The following RBM18 variants were observed in gnomAD, a reference collection of about 807,000 sequenced individuals.
The protein encoded by RBM18 is probable RNA-binding protein 18.
RBM18 carries 18 observed loss-of-function variants against 26.4 expected under a neutral mutation model. The ratio of observed to expected loss-of-function variants is 0.68; its 90% CI spans 0.47 to 1.01. The LOEUF (loss-of-function observed/expected upper bound fraction) is 1.01, where lower values mean the gene tolerates loss of function less well. RBM18 is among the 50% of genes least tolerant of loss of function. The pLI is 0.00. For synonymous variants in RBM18, 74 were observed against 81.1 expected (o/e 0.91, Z 0.47); for missense variants, 180 against 219.2 (o/e 0.82, Z 1.13).
At chr9:122,247,942 G>A (rs1467851150) in intron 3 of RBM18, among the ~76,000 whole-genome samples, 1 of 152,032 alleles carries the variant, frequency 6.6e-6, no homozygotes, top group South Asian at 2.1e-4. Context: ...GAACCACCAC[G>A]CCTGGCTAAT....
At chr9:122,262,459 C>T (rs1042207308) in intron 1 of RBM18, among the ~76,000 whole-genome samples, 1 of 152,176 alleles carries the variant, frequency 6.6e-6, no homozygotes, top group African/African-American at 2.4e-5. Context: ...AGTCTTAGTT[C>T]CTGAAATGTC....
rs1467547490 is a variant in RBM18, at chr9:122,256,901, AATT to A, written c.113+4476_113+4478del. Among the ~76,000 whole-genome samples the A allele has an allele frequency of 7.9e-5, 12 of 152,342 alleles. No homozygotes were observed. In the South Asian group the frequency reaches 2.3e-3, roughly 29 times the overall value. ...GAACATTCTTATTCTATAGGTAAGA[AATT>A]ATTACATATAATATAGTTGACAGGA... On this transcript the variant is annotated intron_variant, in intron 2 of 5. Transcript: ENST00000417201.
intron 3 of RBM18, among the ~76,000 whole-genome samples, chr9:122,251,290 C>G (rs1299800028): frequency 6.6e-6 from 1 of 152,126 alleles, no homozygotes; most frequent in Non-Finnish European, 1.5e-5. Context: ...TAGTAACAAT[C>G]AAATTCAATT....
At chr9:122,253,908 G>A (rs2118966177) in intron 2 of RBM18, among the ~76,000 whole-genome samples, 1 of 151,458 alleles carries the variant, frequency 6.6e-6, no homozygotes. Flanking sequence ...CATGCCCGTA[G>A]TCCCAGCTAC....
At chr9:122,249,595 AC>A (rs1831565398) in intron 3 of RBM18, among the ~76,000 whole-genome samples, 1 of 151,764 alleles carries the variant, frequency 6.6e-6, no homozygotes, top group African/African-American at 2.4e-5. Flanking sequence ...TGTGGTCCCA[AC>A]TACTTGGGAG....
chr9:122,251,700 C>G, intron 3 of RBM18, 147 bp downstream of exon 3: 2 of 654,826 alleles, frequency 3.1e-6, no homozygotes, highest in Non-Finnish European at 2.5e-6. Context: ...ATTGAGGATC[C>G]CTTATAGGAC....
At chr9:122,249,784 A>G (rs1380428510) in intron 3 of RBM18, among the ~76,000 whole-genome samples, 1 of 151,298 alleles carries the variant, frequency 6.6e-6, no homozygotes, top group Non-Finnish European at 1.5e-5. Flanking sequence ...ATATTTAAAA[A>G]TGCTGACCAG....
At chr9:122,242,369 A>G (rs139216451) in intron 5 of RBM18, among the ~76,000 whole-genome samples, 4 of 152,226 alleles carry the variant, frequency 2.6e-5, no homozygotes, top group Admixed American at 6.5e-5. Flanking sequence ...TAATTCTTTT[A>G]GAATTGAAAA....
intron 2 of RBM18, 139 bp downstream of exon 2, chr9:122,261,241 C>G: frequency 1.4e-5 from 9 of 639,444 alleles, no homozygotes; most frequent in Non-Finnish European, 2.5e-5. Flanking sequence ...AACAGGCTAA[C>G]AACATCTTAT....
In RBM18 at chr9:122,251,966, G is replaced by C. The variant is rs1831611665; in HGVS notation, c.121C>G (p.Leu41Val). 4 of 1,614,002 alleles carry C rather than the reference G, an allele frequency of 2.5e-6. No individual in the cohort carries two copies. In the Admixed American group the frequency reaches 6.7e-5, roughly 27 times the overall value. ...CCAAACTTCTGGAGGAGCTTGAGGA[G>C]GTGGTATCTGTGGAGAAAGAAGAGT... ...NLDPKITEYH[L>V]LKLLQKFGKV... The change falls in exon 3 of 6, where the codon CTC (leucine) becomes GTC (valine). Residue 41 changes from leucine to valine, a missense_variant. Coordinates refer to ENST00000417201, the MANE Select transcript of RBM18 (RefSeq NM_033117.4).
At chr9:122,248,816 A>T (rs1831549978) in intron 3 of RBM18, among the ~76,000 whole-genome samples, 1 of 152,218 alleles carries the variant, frequency 6.6e-6, no homozygotes, top group Non-Finnish European at 1.5e-5. Flanking sequence ...TGTCCCAGGG[A>T]GCGGGAGAGG....
intron 1 of RBM18, among the ~76,000 whole-genome samples, chr9:122,262,008 C>A (rs1831806260): frequency 6.6e-6 from 1 of 152,060 alleles, no homozygotes. Flanking sequence ...GTAGACAGAA[C>A]TGGGTTTGAA....
intron 2 of RBM18, among the ~76,000 whole-genome samples, chr9:122,259,907 T>G (rs935605011): frequency 6.6e-6 from 1 of 150,704 alleles, no homozygotes; most frequent in African/African-American, 2.4e-5. Context: ...TTGGCCAGGC[T>G]GGTCTCAAAC....
chr9:122,247,871 GC>G (rs2118956717), intron 3 of RBM18, among the ~76,000 whole-genome samples: 1 of 142,658 alleles, frequency 7.0e-6, no homozygotes, highest in African/African-American at 2.6e-5. Context: ...TGCAATCTCC[GC>G]CTCCCAGGTT....
rs781757773 is a variant in RBM18 at position 122,238,867 on chromosome 9, A to C, written c.*3017T>G. On this transcript the variant is annotated 3_prime_UTR_variant, in exon 6 of 6. Coordinates refer to ENST00000417201, the MANE Select transcript of RBM18 (RefSeq NM_033117.4). Reference sequence around the variant, plus strand: ...GGGAAGAGATGATGGTGGCTTTAAGAAAAATGGTGGTAGTGTTGGAGGTGG... The same window carrying C: ...GGGAAGAGATGATGGTGGCTTTAAGCAAAATGGTGGTAGTGTTGGAGGTGG... 3 of 152,214 alleles carry C rather than the reference A, an allele frequency of 2.0e-5. No homozygotes were observed. Among genetic ancestry groups the C allele is most frequent in the Non-Finnish European group, 4.4e-5 (3 of 68,040 alleles). 9.4% of individuals were successfully genotyped at this position (152,214 alleles called of 1,614,324 possible). A position where few individuals can be genotyped will look rare whatever the true frequency, so the allele number is the denominator to read the frequency against.
At chr9:122,245,452 A>G in intron 4 of RBM18, 111 bp from the exon 5 acceptor site, 1 of 617,278 alleles carries the variant, frequency 1.6e-6, no homozygotes. Context: ...TTACTTCTAG[A>G]CAATTTTAGG....
intron 4 of RBM18, among the ~76,000 whole-genome samples, chr9:122,246,327 G>A (rs745800538): frequency 2.0e-5 from 3 of 152,086 alleles, no homozygotes; most frequent in African/African-American, 7.2e-5. Flanking sequence ...CATACTTCTT[G>A]TAAAAAGCAA....
intron 2 of RBM18, among the ~76,000 whole-genome samples, chr9:122,252,232 ACAGCTGT>A (rs1219013463): frequency 1.3e-5 from 2 of 152,204 alleles, no homozygotes; most frequent in Admixed American, 6.5e-5. Context: ...CACCTTACAA[ACAGCTGT>A]CTGGCCTACA....
In RBM18 at chr9:122,241,831, G is replaced by A. The variant is rs867209777; in HGVS notation, c.*53C>T. 60 of 1,538,780 alleles carry A rather than the reference G, an allele frequency of 3.9e-5. No individual in the cohort carries two copies. The highest frequency in any genetic ancestry group is 3.7e-4 in the African/African-American group (27 of 72,918). ...ACATCTACAAAGTACACAGGCAGAC[G>A]ATTTTAGGTGTGGAGACCAATTTGC... On this transcript the variant is annotated 3_prime_UTR_variant, in exon 6 of 6. Transcript: ENST00000417201.
Sources: allele counts gnomAD v4.1 joint callset (sites outside exome capture counted in the v4.1 genomes callset), GRCh38; gene constraint gnomAD v4.1.1; transcripts MANE v1.5; gene names NCBI Gene and HGNC (gene_info 2026-07-23, HGNC 2026-07-21).